Variants in RARB observed in about 807,000 individuals in gnomAD.
The protein encoded by RARB is HBV-activated protein.
A neutral mutation model predicts 51.9 loss-of-function variants in RARB; 17 were observed. The ratio of observed to expected loss-of-function variants is 0.33; its 90% CI spans 0.22 to 0.49. The LOEUF (loss-of-function observed/expected upper bound fraction) is 0.49. RARB is among the 20% of genes least tolerant of loss of function. The pLI is 0.99. For missense variants in RARB, 369 were observed against 550.8 expected (o/e 0.67, Z 3.30); for synonymous variants, 215 against 195.4 (o/e 1.10, Z -0.84).
intron 2 of RARB, among the ~76,000 whole-genome samples, chr3:24,872,453 G>C (rs143735769): frequency 6.6e-6 from 1 of 152,180 alleles, no homozygotes; most frequent in African/African-American, 2.4e-5. Context: ...ATAAAGAAAA[G>C]AGGTTTATTT....
Position 25,569,759 on chromosome 3 carries a change from T to C in RARB, c.450T>C (p.Ser150=). 1 of 1,613,384 alleles carries C rather than the reference T, an allele frequency of 6.2e-7. No individual in the cohort carries two copies. Among genetic ancestry groups the C allele is most frequent in the South Asian group, 1.1e-5 (1 of 90,978 alleles). The part of the protein sequence containing the change: ...KCFEVGMSKE[S]VRNDRNKKKK... ...ATGTGCCTTCTCTCTCGTTTCCAGC[T>C]GTCAGGAATGACAGGAACAAGAAAA... The change falls in exon 4 of 8, where the codon TCT becomes TCC. Residue 150 remains serine, a splice_region_variant and synonymous_variant. Coordinates refer to ENST00000330688, the MANE Select transcript of RARB (RefSeq NM_000965.5).
At chr3:25,407,923 T>C (rs1304854428) in intron 5 of RARB, among the ~76,000 whole-genome samples, 1 of 152,186 alleles carries the variant, frequency 6.6e-6, no homozygotes, top group East Asian at 1.9e-4. Flanking sequence ...GTACACTTCA[T>C]GTCTCCCAAG....
intron 1 of RARB, among the ~76,000 whole-genome samples, chr3:25,453,128 CAA>C (rs1460156818): frequency 3.3e-5 from 5 of 151,436 alleles, no homozygotes; most frequent in Admixed American, 2.6e-4. Flanking sequence ...AGGACAATAA[CAA>C]GACATTTTTT....
intron 5 of RARB, among the ~76,000 whole-genome samples, chr3:25,312,047 C>T (rs1704303294): frequency 6.6e-6 from 1 of 152,086 alleles, no homozygotes; most frequent in Non-Finnish European, 1.5e-5. Flanking sequence ...AATATGGGTT[C>T]TTTGGGGGAG....
At chr3:25,541,682 C>G (rs1699387465) in intron 3 of RARB, among the ~76,000 whole-genome samples, 1 of 152,232 alleles carries the variant, frequency 6.6e-6, no homozygotes, top group African/African-American at 2.4e-5. Flanking sequence ...TAGGGAACTT[C>G]TTTCTAGTCC....
At chr3:24,955,588 A>C (rs1454360643) in intron 2 of RARB, among the ~76,000 whole-genome samples, 1 of 152,214 alleles carries the variant, frequency 6.6e-6, no homozygotes, top group Non-Finnish European at 1.5e-5. Flanking sequence ...ATCACCTGAC[A>C]AAAGGCAGAT....
intron 5 of RARB, among the ~76,000 whole-genome samples, chr3:25,253,533 C>T (rs1201364373): frequency 1.3e-5 from 2 of 152,016 alleles, no homozygotes; most frequent in Non-Finnish European, 2.9e-5. Context: ...GGTCCCCAGA[C>T]ATAATTTATA....
chr3:24,830,053 G>C (rs1342858672), intron 1 of RARB, among the ~76,000 whole-genome samples: 1 of 152,174 alleles, frequency 6.6e-6, no homozygotes, highest in Admixed American at 6.5e-5. Context: ...GCAGGAGTTG[G>C]AGAAGAGTAC....
intron 2 of RARB, among the ~76,000 whole-genome samples, chr3:24,870,043 C>T (rs1191936118): frequency 6.6e-6 from 1 of 151,930 alleles, no homozygotes; most frequent in Non-Finnish European, 1.5e-5. Flanking sequence ...TGCATTTTTC[C>T]ATGAAACACC....
chr3:25,046,617 C>G (rs1055499844), intron 2 of RARB, among the ~76,000 whole-genome samples: 5 of 151,900 alleles, frequency 3.3e-5, no homozygotes, highest in African/African-American at 1.2e-4. Flanking sequence ...CCATGCTCAG[C>G]TAATTTTTGT....
intron 2 of RARB, among the ~76,000 whole-genome samples, chr3:24,910,925 G>C (rs1004147999): frequency 1.3e-5 from 2 of 152,170 alleles, no homozygotes; most frequent in African/African-American, 4.8e-5. Context: ...TAGATTTTAT[G>C]CACAGCTAGC....
At chr3:25,482,630 C>G (rs1234801404) in intron 2 of RARB, among the ~76,000 whole-genome samples, 1 of 139,326 alleles carries the variant, frequency 7.2e-6, no homozygotes, top group East Asian at 2.2e-4. Context: ...ACCTCTGCCT[C>G]CCAGGTTCAG....
At chr3:25,080,070 C>T (rs891275801) in intron 3 of RARB, among the ~76,000 whole-genome samples, 2 of 152,158 alleles carry the variant, frequency 1.3e-5, no homozygotes, top group Non-Finnish European at 2.9e-5. Context: ...ACAAACTCTG[C>T]AGTCATTAAG....
chr3:25,028,472 G>C (rs994011697), intron 2 of RARB, among the ~76,000 whole-genome samples: 1 of 152,224 alleles, frequency 6.6e-6, no homozygotes, highest in African/African-American at 2.4e-5. Context: ...GGTTCAGCAA[G>C]AGGCAGAGTC....
At chr3:25,547,118 G>A (rs1017628048) in intron 3 of RARB, among the ~76,000 whole-genome samples, 6 of 152,182 alleles carry the variant, frequency 3.9e-5, no homozygotes, top group Non-Finnish European at 8.8e-5. Context: ...GCTCCTGGGA[G>A]CTTCCGTGTC....
Position 25,428,863 on chromosome 3 carries a change from A to G in RARB, c.132A>G (p.Glu44=). The G allele has an allele frequency of 6.2e-7, 1 of 1,613,160 alleles. No homozygotes were observed. The highest frequency in any genetic ancestry group is 2.2e-5 in the East Asian group (1 of 44,856). ...GCTTCAGTGGATTGACCCAAACCGA[A>G]TGGCAGCATCGGCACACTGCTCAAT... ...KACFSGLTQT[E]WQHRHTAQSI... is the part of the protein sequence containing the mutation. Residue 44 remains glutamate, a synonymous_variant, in exon 1 of 8, where the codon GAA becomes GAG. Coordinates refer to ENST00000330688, the MANE Select transcript of RARB (RefSeq NM_000965.5).
At chr3:25,514,311 C>A (rs958577795) in intron 3 of RARB, among the ~76,000 whole-genome samples, 1 of 152,148 alleles carries the variant, frequency 6.6e-6, no homozygotes, top group Non-Finnish European at 1.5e-5. Context: ...TTCTTTCATC[C>A]TTCTCCCTTT....
chr3:25,308,081 G>C lies in RARB; in HGVS notation c.178+133506G>C, dbSNP rs142779713. ...CCCTAAATTATGGTGCCCATGAGTAGGTACAGATGTCCAGCAGTGAGTGCA... is the reference window on the plus strand; with the variant it reads ...CCCTAAATTATGGTGCCCATGAGTACGTACAGATGTCCAGCAGTGAGTGCA... On this transcript the variant is annotated intron_variant, in intron 5 of 11. Transcript: ENST00000383772. Among the ~76,000 whole-genome samples the C allele has an allele frequency of 7.7e-3, 1,166 of 152,244 alleles. 6 individuals are homozygous for C. Among genetic ancestry groups the C allele is most frequent in the Non-Finnish European group, 0.013 (861 of 68,020 alleles).
At chr3:25,236,509 TTACTAG>T (rs1456354096) in intron 5 of RARB, among the ~76,000 whole-genome samples, 1 of 151,998 alleles carries the variant, frequency 6.6e-6, no homozygotes, top group Non-Finnish European at 1.5e-5. Context: ...TAAAGTTATC[TTACTAG>T]TACAAAGAAA....
Sources: gnomAD v4.1 joint callset for allele counts (sites outside exome capture counted in the v4.1 genomes callset) on GRCh38, gnomAD v4.1.1 for gene constraint, MANE v1.5 for transcripts, NCBI Gene and HGNC (gene_info 2026-07-23, HGNC 2026-07-21) for gene names.